The following SEMA6D variants were observed in gnomAD, a reference collection of about 807,000 sequenced individuals.
SEMA6D encodes semaphorin-6D.
SEMA6D carries 35 observed loss-of-function variants against 106.6 expected under a neutral mutation model. The ratio of observed to expected loss-of-function variants is 0.33; its 90% CI spans 0.25 to 0.44. SEMA6D has a LOEUF of 0.44. Ranked by LOEUF, SEMA6D falls within the 20% of genes least tolerant of loss-of-function variation. SEMA6D has a pLI of 1.00. For missense variants in SEMA6D, 1,185 were observed against 1,345.9 expected (o/e 0.88, Z 1.87); for synonymous variants, 499 against 487.7 (o/e 1.02, Z -0.31).
intron 1 of SEMA6D, among the ~76,000 whole-genome samples, chr15:47,213,427 A>G (rs529066410): frequency 2.6e-4 from 39 of 152,282 alleles, no homozygotes; most frequent in Admixed American, 1.4e-3. Context: ...GTGTGCCACA[A>G]CTGCCTTGGA....
At chr15:47,241,860 G>A (rs1315059972) in intron 1 of SEMA6D, among the ~76,000 whole-genome samples, 2 of 152,064 alleles carry the variant, frequency 1.3e-5, no homozygotes, top group Non-Finnish European at 2.9e-5. Flanking sequence ...GGGGCAGGTT[G>A]CATAGAAAAT....
chr15:47,467,967 C>T (rs1431189367), intron 2 of SEMA6D, among the ~76,000 whole-genome samples: 1 of 151,944 alleles, frequency 6.6e-6, no homozygotes, highest in Non-Finnish European at 1.5e-5. Context: ...TATTATAATA[C>T]CGACAGGATT....
chr15:47,690,161 A>G (rs2078555526), intron 4 of SEMA6D, among the ~76,000 whole-genome samples: 1 of 152,214 alleles, frequency 6.6e-6, no homozygotes, highest in Non-Finnish European at 1.5e-5. Context: ...TATAGGCAGT[A>G]GGAAACAAGT....
At chr15:47,552,468 A>G (rs1596303811) in intron 3 of SEMA6D, among the ~76,000 whole-genome samples, 1 of 145,480 alleles carries the variant, frequency 6.9e-6, no homozygotes, top group African/African-American at 2.5e-5. Flanking sequence ...ATGGCAATGT[A>G]TGTGTGTGTG....
chr15:47,265,445 T>C (rs547589082), intron 1 of SEMA6D, among the ~76,000 whole-genome samples: 19 of 152,076 alleles, frequency 1.2e-4, no homozygotes, highest in Non-Finnish European at 7.4e-5. Flanking sequence ...AAAAATAATT[T>C]ATATTTCTTT....
At chr15:47,302,366 A>T (rs2036056808) in intron 1 of SEMA6D, among the ~76,000 whole-genome samples, 1 of 152,208 alleles carries the variant, frequency 6.6e-6, no homozygotes, top group African/African-American at 2.4e-5. Context: ...TTCTTATACA[A>T]TTTAGATCAG....
At chr15:47,551,139 G>T (rs888501790) in intron 3 of SEMA6D, among the ~76,000 whole-genome samples, 1 of 152,138 alleles carries the variant, frequency 6.6e-6, no homozygotes, top group Non-Finnish European at 1.5e-5. Flanking sequence ...ACTTATTTCT[G>T]TCTTGGGCTC....
intron 1 of SEMA6D, among the ~76,000 whole-genome samples, chr15:47,199,494 G>A (rs1566921248): frequency 6.6e-6 from 1 of 152,084 alleles, no homozygotes; most frequent in Non-Finnish European, 1.5e-5. Flanking sequence ...TGTTTTACTT[G>A]GAATATGTTT....
intron 1 of SEMA6D, among the ~76,000 whole-genome samples, chr15:47,322,572 T>C (rs1204041037): frequency 2.0e-5 from 3 of 152,198 alleles, no homozygotes; most frequent in African/African-American, 7.2e-5. Flanking sequence ...GGATACATGA[T>C]GGCTATACAT....
chr15:47,763,639 T>C (rs2082179880), intron 9 of SEMA6D, among the ~76,000 whole-genome samples: 1 of 152,208 alleles, frequency 6.6e-6, no homozygotes, highest in Admixed American at 6.5e-5. Context: ...TTGGGAAGGA[T>C]GCTTAGCAAA....
At chr15:47,505,709 A>G (rs1017473286) in intron 3 of SEMA6D, among the ~76,000 whole-genome samples, 2 of 152,232 alleles carry the variant, frequency 1.3e-5, no homozygotes, top group Non-Finnish European at 2.9e-5. Flanking sequence ...ATTTATACAC[A>G]CATATACAAA....
At chr15:47,211,994 T>C (rs943958222) in intron 1 of SEMA6D, among the ~76,000 whole-genome samples, 4 of 151,972 alleles carry the variant, frequency 2.6e-5, no homozygotes, top group Non-Finnish European at 5.9e-5. Context: ...TGAATGATAA[T>C]GAAAACTGCT....
intron 3 of SEMA6D, among the ~76,000 whole-genome samples, chr15:47,505,583 CCTTGTT>C (rs1480942305): frequency 6.6e-6 from 1 of 152,118 alleles, no homozygotes; most frequent in African/African-American, 2.4e-5. Context: ...TAGCTGACAT[CCTTGTT>C]CTTAGGACAT....
rs1315688666 is a variant in SEMA6D, at chr15:47,773,484, T to C, written c.*1699T>C. 1.3e-5 allele frequency: 2 copies of C among 152,474 alleles called. No individual in the cohort carries two copies. The highest frequency in any genetic ancestry group is 2.4e-5 in the African/African-American group (1 of 41,440). 9.4% of individuals were successfully genotyped at this position (152,474 alleles called of 1,614,324 possible). On this transcript the variant is annotated 3_prime_UTR_variant, in exon 19 of 19. Transcript: ENST00000536845. ...ACACACTTGTTTAGTGAACCAAATCTAGAAAGTACCAAGGCAGAGGTATGC... is the reference window on the plus strand; with the variant it reads ...ACACACTTGTTTAGTGAACCAAATCCAGAAAGTACCAAGGCAGAGGTATGC...
intron 1 of SEMA6D, among the ~76,000 whole-genome samples, chr15:47,193,240 A>G (rs1223136115): frequency 2.0e-5 from 3 of 152,174 alleles, no homozygotes; most frequent in Admixed American, 2.0e-4. Context: ...ATATTAATAC[A>G]TATCTTATAA....
chr15:47,270,461 T>A (rs1595592251), intron 1 of SEMA6D, among the ~76,000 whole-genome samples: 1 of 152,028 alleles, frequency 6.6e-6, no homozygotes, highest in South Asian at 2.1e-4. Flanking sequence ...TTTCCTTCTT[T>A]TTTTTTCCTA....
chr15:47,529,816 C>G (rs1011998995), intron 3 of SEMA6D, among the ~76,000 whole-genome samples: 2 of 152,070 alleles, frequency 1.3e-5, no homozygotes, highest in African/African-American at 2.4e-5. Context: ...CTACATTTTT[C>G]TTATTTTGTA....
Position 47,770,832 on chromosome 15 carries a change from A to G in SEMA6D, c.2269A>G (p.Met757Val), listed in dbSNP as rs915000756. The G allele has an allele frequency of 7.4e-6, 12 of 1,613,928 alleles. No individual in the cohort carries two copies. Among genetic ancestry groups the G allele is most frequent in the East Asian group, 2.2e-5 (1 of 44,846 alleles). ...ACCACCCAATGGAGATACTAAATCC[A>G]TGGTAATGGACCATCGAGGGCAACC... ...ELPPNGDTKS[M>V]VMDHRGQPPE... Residue 757 changes from methionine (M) to valine (V), a missense_variant, in exon 19 of 19, where the codon ATG becomes GTG. Around this residue, in one of 3 missense-constraint regions of SEMA6D, gnomAD observed 750 missense variants for 783.5 expected, o/e 0.96. Coordinates refer to ENST00000536845, the MANE Select transcript of SEMA6D (RefSeq NM_001358351.3).
intron 1 of SEMA6D, chr15:47,241,146 A>T (rs538465252): frequency 1.3e-5 from 2 of 152,286 alleles, no homozygotes; most frequent in East Asian, 3.9e-4. Context: ...GTAACCCAAA[A>T]TGTGTATTTA....
Sources: allele counts gnomAD v4.1 joint callset (sites outside exome capture counted in the v4.1 genomes callset), GRCh38; gene constraint gnomAD v4.1.1; regional missense constraint gnomAD v4.1.1; transcripts MANE v1.5; gene names NCBI Gene and HGNC (gene_info 2026-07-23, HGNC 2026-07-21).